Variants in SLC12A8 observed in about 807,000 individuals in gnomAD.
The protein encoded by SLC12A8 is cation-chloride cotransporter 9.
In SLC12A8, 69 loss-of-function variants were observed where a neutral mutation model predicts 75.6. The observed-to-expected ratio is 0.91, with a 90% CI of 0.75 to 1.11. The LOEUF is 1.11. Among genes scored for constraint, SLC12A8 ranks in the 50% most tolerant of loss-of-function variants. The pLI, the probability that SLC12A8 is intolerant of heterozygous loss-of-function variation, is 0.00. For missense variants in SLC12A8, 877 were observed against 896.7 expected (o/e 0.98, Z 0.28); for synonymous variants, 365 against 372.8 (o/e 0.98, Z 0.24).
intron 5 of SLC12A8, among the ~76,000 whole-genome samples, chr3:125,159,553 A>G (rs2107776738): frequency 6.6e-6 from 1 of 152,310 alleles, no homozygotes; most frequent in South Asian, 2.1e-4. Context: ...CTGAGAACCA[A>G]TCTGATTTAG....
Position 125,211,334 on chromosome 3 carries a change from G to C in SLC12A8, c.16C>G (p.Gln6Glu), listed in dbSNP as rs757421715. The C allele has an allele frequency of 5.0e-6, 8 of 1,613,588 alleles. No homozygotes were observed. The highest frequency in any genetic ancestry group is 6.8e-6 in the Non-Finnish European group (8 of 1,179,918). Residue 6 changes from glutamine (Q) to glutamate (E), a missense_variant, in exon 2 of 14, where the codon CAG becomes GAG. Coordinates refer to ENST00000469902, the MANE Select transcript of SLC12A8 (RefSeq NM_024628.6). Reference sequence around the variant, plus strand: ...GCCTCATGGAAGAGCTCCTGCACCTGGGACATCTGGGTCATTCTCCAGCAA... The same window carrying C: ...GCCTCATGGAAGAGCTCCTGCACCTCGGACATCTGGGTCATTCTCCAGCAA... MTQMSQVQELFHEAAQ... is the reference protein window; with the variant it reads MTQMSEVQELFHEAAQ...
At chr3:125,198,652 G>T (rs1935054140) in intron 2 of SLC12A8, among the ~76,000 whole-genome samples, 1 of 151,988 alleles carries the variant, frequency 6.6e-6, no homozygotes, top group Admixed American at 6.6e-5. Context: ...TAAAACGAGA[G>T]AAATCACAAC....
At chr3:125,122,568 A>G (rs1035919593) in intron 6 of SLC12A8, among the ~76,000 whole-genome samples, 6 of 152,260 alleles carry the variant, frequency 3.9e-5, no homozygotes, top group African/African-American at 1.4e-4. Flanking sequence ...CGAGGAAAAG[A>G]GAAGGAAAGA....
At position 125,163,974 on chromosome 3, in the gene SLC12A8, G is replaced by C. The variant is rs560672962; in HGVS notation, c.622+13769C>G. On this transcript the variant is annotated intron_variant, in intron 5 of 13. Coordinates refer to ENST00000469902, the MANE Select transcript of SLC12A8 (RefSeq NM_024628.6). The stretch of plus-strand genomic sequence containing the variant: ...ACTTGAGTTTGGTCCTGAGCTGAGC[G>C]TGTCTATGGCCTCTGTTCCTGGTGG... Among the ~76,000 whole-genome samples, 5 of 152,360 alleles carry C rather than the reference G, an allele frequency of 3.3e-5. No homozygotes were observed. The South Asian group carries it at 8.3e-4, about 25-fold the overall frequency.
At chr3:125,166,874 C>T (rs1934302021) in intron 5 of SLC12A8, among the ~76,000 whole-genome samples, 1 of 152,162 alleles carries the variant, frequency 6.6e-6, no homozygotes, top group African/African-American at 2.4e-5. Context: ...AAACGCTGAA[C>T]AATAGCCGAC....
intron 12 of SLC12A8, among the ~76,000 whole-genome samples, chr3:125,088,827 A>C (rs1938521916): frequency 6.6e-6 from 1 of 152,206 alleles, no homozygotes. Flanking sequence ...GGCACTTAAG[A>C]ATTTTTTTAA....
At chr3:125,095,998 A>G (rs1938702246) in intron 10 of SLC12A8, among the ~76,000 whole-genome samples, 1 of 152,142 alleles carries the variant, frequency 6.6e-6, no homozygotes, top group Admixed American at 6.5e-5. Context: ...CACACTCACA[A>G]TGGCCCACAT....
intron 6 of SLC12A8, among the ~76,000 whole-genome samples, chr3:125,132,289 T>C (rs1933378693): frequency 6.6e-6 from 1 of 152,218 alleles, no homozygotes; most frequent in African/African-American, 2.4e-5. Flanking sequence ...GCACTATTTC[T>C]GGCAAATCTG....
chr3:125,174,149 A>G (rs1045137967), intron 5 of SLC12A8, among the ~76,000 whole-genome samples: 1 of 152,208 alleles, frequency 6.6e-6, no homozygotes, highest in African/African-American at 2.4e-5. Context: ...AAAAAACACA[A>G]GTTTTTTAAA....
At chr3:125,184,461 T>C in intron 4 of SLC12A8, among the ~76,000 whole-genome samples, 1 of 152,100 alleles carries the variant, frequency 6.6e-6, no homozygotes, top group East Asian at 1.9e-4. Flanking sequence ...CACACTACAG[T>C]GGCAGGGTTG....
In SLC12A8 at chr3:125,177,975, C is replaced by T. The variant is rs1032020705; in HGVS notation, c.391-1G>A. 1.2e-6 allele frequency: 2 copies of T among 1,610,298 alleles called. No individual in the cohort carries two copies. Among genetic ancestry groups the T allele is most frequent in the Non-Finnish European group, 1.7e-6 (2 of 1,177,754 alleles). On this transcript the variant is annotated splice_acceptor_variant, in intron 4 of 13. Coordinates refer to ENST00000469902, the MANE Select transcript of SLC12A8 (RefSeq NM_024628.6). LOFTEE classifies it high-confidence loss of function. The stretch of plus-strand genomic sequence containing the variant: ...TGATATACATGGCACCTGCAACACA[C>T]TGACATGCGATTCCAGGTAGAAGAG...
At chr3:125,197,175 G>A (rs1450143822) in intron 2 of SLC12A8, among the ~76,000 whole-genome samples, 1 of 152,204 alleles carries the variant, frequency 6.6e-6, no homozygotes, top group Non-Finnish European at 1.5e-5. Flanking sequence ...AGAGCCACTT[G>A]AAGGGGCTCC....
rs184585316 is a variant in SLC12A8, at chr3:125,162,648, G to A, written c.622+15095C>T. ...AGGCGGGACATGGTAATTGGCCTAT[G>A]TTGCGCTTGGACCTAGCAAATGAGT... On this transcript the variant is annotated intron_variant, in intron 5 of 13. Coordinates refer to ENST00000469902, the MANE Select transcript of SLC12A8 (RefSeq NM_024628.6). Among the ~76,000 whole-genome samples, 7 of 152,346 alleles carry A rather than the reference G, an allele frequency of 4.6e-5. No homozygotes were observed. In the East Asian group the frequency reaches 7.7e-4, roughly 17 times the overall value.
chr3:125,202,194 G>A (rs185121470), intron 2 of SLC12A8, among the ~76,000 whole-genome samples: 1 of 152,364 alleles, frequency 6.6e-6, no homozygotes, highest in African/African-American at 2.4e-5. Flanking sequence ...ACTGGCATGA[G>A]CCACCTCGCC....
chr3:125,142,160 AC>A (rs1420574017), intron 5 of SLC12A8, among the ~76,000 whole-genome samples: 1 of 151,988 alleles, frequency 6.6e-6, no homozygotes, highest in Non-Finnish European at 1.5e-5. Context: ...AAACTGCCTG[AC>A]CCAGGGGGTC....
At chr3:125,106,632 T>C (rs1939033396) in intron 10 of SLC12A8, among the ~76,000 whole-genome samples, 1 of 152,202 alleles carries the variant, frequency 6.6e-6, no homozygotes, top group Admixed American at 6.5e-5. Context: ...ATTATAGACG[T>C]GAGCCACCGC....
intron 4 of SLC12A8, 82 bp downstream of exon 4, chr3:125,187,155 C>A: frequency 7.0e-7 from 1 of 1,431,890 alleles, no homozygotes; most frequent in Non-Finnish European, 9.7e-7. Flanking sequence ...ACCCTCGCTT[C>A]TCCCCAGGTC....
intron 10 of SLC12A8, among the ~76,000 whole-genome samples, chr3:125,100,307 T>C (rs1294582418): frequency 6.6e-6 from 1 of 152,190 alleles, no homozygotes; most frequent in African/African-American, 2.4e-5. Context: ...ATGAATCAAT[T>C]GATGTTGCCT....
Position 125,119,954 on chromosome 3 carries a change from G to A in SLC12A8, c.824+645C>T. 4 of 456,148 alleles carry A rather than the reference G, an allele frequency of 8.8e-6. No homozygotes were observed. The Admixed American group carries it at 9.4e-5, about 11-fold the overall frequency. The allele number at this position is 456,148 out of a possible 1,614,324, so 28.3% of individuals were successfully genotyped here. A position where few individuals can be genotyped will look rare whatever the true frequency, so the allele number is the denominator to read the frequency against. On this transcript the variant is annotated intron_variant, in intron 7 of 13. Coordinates refer to ENST00000469902, the MANE Select transcript of SLC12A8 (RefSeq NM_024628.6). Reference sequence around the variant, plus strand: ...AAATAGACCCAAGGTTACCCAGCCTGCTTGTGTGGGTGGCACAGTGTGAAC... The same window carrying A: ...AAATAGACCCAAGGTTACCCAGCCTACTTGTGTGGGTGGCACAGTGTGAAC...
Sources: allele counts gnomAD v4.1 joint callset (sites outside exome capture counted in the v4.1 genomes callset), GRCh38; gene constraint gnomAD v4.1.1; transcripts MANE v1.5; gene names NCBI Gene and HGNC (gene_info 2026-07-23, HGNC 2026-07-21).